The following RMP24 variants were observed in gnomAD, a reference collection of about 807,000 sequenced individuals.
RMP24 encodes ribonuclease MRP subunit p24.
the RMP24 span, among the ~76,000 whole-genome samples, chr18:35,975,456 T>C: frequency 6.6e-6 from 1 of 152,198 alleles, no homozygotes; most frequent in Non-Finnish European, 1.5e-5. Flanking sequence ...CAGATAGTAC[T>C]ATGTTATGTA....
the RMP24 span, among the ~76,000 whole-genome samples, chr18:35,976,126 T>C: frequency 3.9e-3 from 594 of 151,144 alleles, 4 homozygotes; most frequent in Middle Eastern, 0.031. Context: ...GCTAGAGGTA[T>C]TTGTTTTTCT....
chr18:35,977,333 A>T, the RMP24 span: 4 of 1,355,052 alleles, frequency 3.0e-6, 1 homozygote, highest in South Asian at 5.7e-5. Flanking sequence ...GACATTTAAG[A>T]ATTCAATGAA....
the RMP24 span, chr18:35,974,895 G>T: frequency 6.2e-7 from 1 of 1,609,590 alleles, no homozygotes; most frequent in Admixed American, 1.7e-5. Flanking sequence ...TATAATTTTA[G>T]ATGATAAGAG....
At chr18:35,977,283 C>T in the RMP24 span, 1 of 781,564 alleles carries the variant, frequency 1.3e-6, no homozygotes, top group Non-Finnish European at 1.9e-6. Flanking sequence ...CAAGGACAGC[C>T]TCTATTTTAC....
At chr18:35,975,098 A>G in the RMP24 span, 1 of 1,610,574 alleles carries the variant, frequency 6.2e-7, no homozygotes, top group East Asian at 2.2e-5. Context: ...GTGTATTGGT[A>G]AGATTTCAGT....
chr18:35,977,570 C>G, the RMP24 span: 5 of 1,613,680 alleles, frequency 3.1e-6, no homozygotes, highest in Non-Finnish European at 4.2e-6. Context: ...ATGTCTGGCT[C>G]GAAAGGCAAG....
the RMP24 span, chr18:35,972,980 A>G: frequency 5.7e-6 from 9 of 1,585,482 alleles, no homozygotes; most frequent in African/African-American, 1.3e-5. Flanking sequence ...ACAACGCTCA[A>G]ATAAGGCCGA....
chr18:35,972,773 C>T, the RMP24 span: 4 of 1,613,836 alleles, frequency 2.5e-6, no homozygotes, highest in South Asian at 2.2e-5. Context: ...GGGGACTGCA[C>T]GACAGCTGCC....
At chr18:35,972,950 C>T in the RMP24 span, 4 of 1,612,156 alleles carry the variant, frequency 2.5e-6, no homozygotes, top group South Asian at 3.3e-5. Context: ...CTCTTGTCGC[C>T]CCGCTTTCCT....
the RMP24 span, among the ~76,000 whole-genome samples, chr18:35,976,301 C>G: frequency 6.6e-6 from 1 of 151,976 alleles, no homozygotes; most frequent in Non-Finnish European, 1.5e-5. Flanking sequence ...AGGTGCCCAC[C>G]ACCACGCCCG....
At chr18:35,973,656 C>T in the RMP24 span, 1 of 152,456 alleles carries the variant, frequency 6.6e-6, no homozygotes, top group African/African-American at 2.4e-5. Context: ...AGCGGTGGCT[C>T]ACCCCTGTAA....
the RMP24 span, chr18:35,973,154 C>A: frequency 1.7e-6 from 1 of 597,192 alleles, no homozygotes; most frequent in African/African-American, 1.9e-5. Flanking sequence ...TAGGTCATTA[C>A]GTAGTTCACC....
At chr18:35,977,367 A>G in the RMP24 span, 2 of 1,554,070 alleles carry the variant, frequency 1.3e-6, no homozygotes, top group Non-Finnish European at 1.8e-6. Flanking sequence ...GGGTTAAATT[A>G]TAAGATAAAT....
chr18:35,973,049 G>A, the RMP24 span: 1 of 1,119,796 alleles, frequency 8.9e-7, no homozygotes, highest in South Asian at 1.3e-5. Flanking sequence ...TCTCGGTTTC[G>A]TGAAAAATCC....
chr18:35,976,554 AAAAG>A, the RMP24 span, among the ~76,000 whole-genome samples: 1 of 152,204 alleles, frequency 6.6e-6, no homozygotes, highest in African/African-American at 2.4e-5. Flanking sequence ...ATGAATCTTG[AAAAG>A]AAAGACAACC....
At chr18:35,976,219 G>A in the RMP24 span, among the ~76,000 whole-genome samples, 5 of 133,460 alleles carry the variant, frequency 3.7e-5, no homozygotes, top group South Asian at 2.4e-4. Flanking sequence ...GCGTGATCTC[G>A]GTTCACTGCA....
the RMP24 span, chr18:35,974,828 T>C: frequency 1.5e-6 from 2 of 1,339,836 alleles, no homozygotes; most frequent in Non-Finnish European, 2.1e-6. Flanking sequence ...TTTTTATAAA[T>C]GTTGACAGTT....
At chr18:35,978,478 G>A in the RMP24 span, among the ~76,000 whole-genome samples, 1 of 152,206 alleles carries the variant, frequency 6.6e-6, no homozygotes, top group Non-Finnish European at 1.5e-5. Context: ...AGGCGTAGCG[G>A]CGTGCGCCTG....
chr18:35,973,879 G>A, the RMP24 span: 3 of 152,524 alleles, frequency 2.0e-5, no homozygotes, highest in South Asian at 2.1e-4. Flanking sequence ...CGGAGATGGC[G>A]CCATTGCACT....
Sources: allele counts gnomAD v4.1 joint callset (sites outside exome capture counted in the v4.1 genomes callset), GRCh38; gene constraint gnomAD v4.1.1; transcripts MANE v1.5; gene names NCBI Gene and HGNC (gene_info 2026-07-23, HGNC 2026-07-21).